The following PLSCR4 variants were observed in gnomAD, a reference collection of about 807,000 sequenced individuals.
PLSCR4 encodes the protein phospholipid scramblase 4.
In PLSCR4, 25 loss-of-function variants were observed where a neutral mutation model predicts 36.3. The observed-to-expected ratio is 0.69, with a 90% CI of 0.50 to 0.96. The LOEUF is 0.96. PLSCR4 is among the 40% of genes least tolerant of loss of function. The probability of loss-of-function intolerance (pLI) is 0.00; values close to 1 mark genes in which losing one functional copy is unlikely to be tolerated. For missense variants in PLSCR4, 408 were observed against 414.7 expected (o/e 0.98, Z 0.14); for synonymous variants, 122 against 132.9 (o/e 0.92, Z 0.56).
At chr3:146,229,638 TTTA>T (rs368331711) in intron 1 of PLSCR4, among the ~76,000 whole-genome samples, 21,570 of 141,158 alleles carry the variant, frequency 0.15, 2,292 homozygotes, top group African/African-American at 0.25. Flanking sequence ...TATTTATTTA[TTTA>T]TGAGATGGAG....
At chr3:146,196,492 A>G (rs1343640990) in intron 7 of PLSCR4, 140 bp downstream of exon 7, 1 of 772,282 alleles carries the variant, frequency 1.3e-6, no homozygotes, top group East Asian at 2.6e-5. Context: ...AAATCTTTTG[A>G]TGTCAACTGG....
At chr3:146,210,156 G>T (rs1228762180) in intron 3 of PLSCR4, among the ~76,000 whole-genome samples, 1 of 151,870 alleles carries the variant, frequency 6.6e-6, no homozygotes, top group Non-Finnish European at 1.5e-5. Flanking sequence ...AATATAAATT[G>T]TTTTTGTGTT....
intron 1 of PLSCR4, among the ~76,000 whole-genome samples, chr3:146,238,025 T>C (rs933230163): frequency 5.3e-5 from 8 of 151,514 alleles, no homozygotes; most frequent in African/African-American, 1.2e-4. Flanking sequence ...TAACCTTACA[T>C]TGAAAAGAAA....
chr3:146,225,947 G>GC (rs1181038524), intron 1 of PLSCR4, among the ~76,000 whole-genome samples: 1 of 152,234 alleles, frequency 6.6e-6, no homozygotes, highest in East Asian at 1.9e-4. Context: ...GGTGCCGAGA[G>GC]CGAGGGCTCT....
Position 146,214,154 on chromosome 3 carries a change from C to T in PLSCR4, c.118+6661G>A, listed in dbSNP as rs1160062703. On this transcript the variant is annotated intron_variant, in intron 3 of 8. Coordinates refer to ENST00000354952, the MANE Select transcript of PLSCR4 (RefSeq NM_020353.3). ...TTTTTTTTTTTGAGACGGAGTCTCG[C>T]TCTGTCGCCCAGGCTGGAGTGCAGT... Among the ~76,000 whole-genome samples the T allele has an allele frequency of 2.4e-4, 2 of 8,196 alleles. 1 individual carries two copies. The highest frequency in any genetic ancestry group is 6.6e-4 in the Non-Finnish European group (2 of 3,018). 5.4% of individuals were successfully genotyped at this position (8,196 alleles called of 152,430 possible).
Position 146,244,485 on chromosome 3 carries a change from T to G in PLSCR4, c.-22+6475A>C, listed in dbSNP as rs540437168. On this transcript the variant is annotated intron_variant, in intron 1 of 8. Coordinates refer to ENST00000354952, the MANE Select transcript of PLSCR4 (RefSeq NM_020353.3). The stretch of plus-strand genomic sequence containing the variant: ...ACAGCAACTTCTCAGTTTGTCTCTT[T>G]GTCAAATTTTGGTAATTCTCACAAT... 3.9e-5 allele frequency among the ~76,000 whole-genome samples: 6 copies of G among 152,262 alleles called. No individual in the cohort carries two copies. The Middle Eastern group carries it at 0.014, about 345-fold the overall frequency.
At chr3:146,228,675 T>C (rs1246627906) in intron 1 of PLSCR4, among the ~76,000 whole-genome samples, 1 of 152,020 alleles carries the variant, frequency 6.6e-6, no homozygotes, top group East Asian at 1.9e-4. Flanking sequence ...ATTAATGACA[T>C]ATTCCAAAAA....
chr3:146,224,285 G>A (rs1261369583), intron 1 of PLSCR4, among the ~76,000 whole-genome samples: 1 of 152,218 alleles, frequency 6.6e-6, no homozygotes, highest in Admixed American at 6.5e-5. Flanking sequence ...ATATCCTGTA[G>A]TGAAAACAAA....
intron 3 of PLSCR4, among the ~76,000 whole-genome samples, chr3:146,208,068 T>TA (rs2034430406): frequency 6.6e-6 from 1 of 152,070 alleles, no homozygotes; most frequent in Non-Finnish European, 1.5e-5. Context: ...AACAAGATGG[T>TA]ACTGGTATAA....
At chr3:146,230,463 T>A (rs2035663139) in intron 1 of PLSCR4, among the ~76,000 whole-genome samples, 1 of 152,184 alleles carries the variant, frequency 6.6e-6, no homozygotes. Context: ...TGTGAACTGA[T>A]CACATTCCTC....
chr3:146,242,727 G>A (rs879518497), intron 1 of PLSCR4, among the ~76,000 whole-genome samples: 11 of 152,138 alleles, frequency 7.2e-5, no homozygotes, highest in Non-Finnish European at 1.2e-4. Context: ...TTTTCGAGAC[G>A]AATGGGAGAA....
At chr3:146,200,126 A>G in intron 5 of PLSCR4, 87 bp from the exon 6 acceptor site, 1 of 739,184 alleles carries the variant, frequency 1.4e-6, no homozygotes. Context: ...AAGGGCTTAA[A>G]GCAACATAGC....
chr3:146,201,085 G>T lies in PLSCR4; in HGVS notation c.355-8C>A. On this transcript the variant is annotated splice_polypyrimidine_tract_variant and splice_region_variant and intron_variant, in intron 4 of 8. Coordinates refer to ENST00000354952, the MANE Select transcript of PLSCR4 (RefSeq NM_020353.3). The stretch of plus-strand genomic sequence containing the variant: ...AACATGTATGTTGTCCAACTGTTGG[G>T]ATAAAACAAAGCAATCAGAAGACAG... 6.5e-7 allele frequency: 1 copy of T among 1,531,692 alleles called. No individual in the cohort carries two copies. Among genetic ancestry groups the T allele is most frequent in the Non-Finnish European group, 8.7e-7 (1 of 1,145,312 alleles). The allele number at this position is 1,531,692 out of a possible 1,614,324, so 94.9% of individuals were successfully genotyped here. A position where few individuals can be genotyped will look rare whatever the true frequency, so the allele number is the denominator to read the frequency against.
intron 1 of PLSCR4, among the ~76,000 whole-genome samples, chr3:146,238,651 C>T (rs79577099): frequency 5.5e-4 from 84 of 152,038 alleles, no homozygotes; most frequent in African/African-American, 1.7e-3. Context: ...TTCTTGATCT[C>T]GTAAGAAACT....
chr3:146,235,647 A>G (rs866559104), intron 1 of PLSCR4, among the ~76,000 whole-genome samples: 7 of 152,336 alleles, frequency 4.6e-5, no homozygotes, highest in Middle Eastern at 3.4e-3. Flanking sequence ...ACTGGGTAAC[A>G]GGCAGAGGTT....
At chr3:146,222,742 A>G (rs2035228283) in intron 1 of PLSCR4, among the ~76,000 whole-genome samples, 1 of 152,164 alleles carries the variant, frequency 6.6e-6, no homozygotes. Flanking sequence ...GCAACTGGGA[A>G]GTCTGGAGGA....
At chr3:146,239,702 G>T (rs551701093) in intron 1 of PLSCR4, among the ~76,000 whole-genome samples, 4 of 151,836 alleles carry the variant, frequency 2.6e-5, no homozygotes, top group Admixed American at 2.0e-4. Context: ...TGACCAACAC[G>T]GAGAAACCCC....
chr3:146,223,732 C>T (rs1408433444), intron 1 of PLSCR4: 1 of 151,726 alleles, frequency 6.6e-6, no homozygotes, highest in Non-Finnish European at 1.5e-5. Flanking sequence ...TCTCCACTCA[C>T]CTCTGGAGCT....
chr3:146,234,222 T>G (rs1399106694), intron 1 of PLSCR4, among the ~76,000 whole-genome samples: 1 of 152,158 alleles, frequency 6.6e-6, no homozygotes, highest in Non-Finnish European at 1.5e-5. Context: ...CTGGTATCCC[T>G]GGCCCAATAC....
Sources: gnomAD v4.1 joint callset for allele counts (sites outside exome capture counted in the v4.1 genomes callset) on GRCh38, gnomAD v4.1.1 for gene constraint, MANE v1.5 for transcripts, NCBI Gene and HGNC (gene_info 2026-07-23, HGNC 2026-07-21) for gene names.